The following SYNPR variants were observed in gnomAD, a reference collection of about 807,000 sequenced individuals.
SYNPR encodes the protein synaptoporin.
A neutral mutation model predicts 32.9 loss-of-function variants in SYNPR; 23 were observed. The observed-to-expected ratio is 0.70, with a 90% CI of 0.50 to 0.99. The LOEUF (loss-of-function observed/expected upper bound fraction) is 0.99, where lower values mean the gene tolerates loss of function less well. SYNPR is among the 50% of genes least tolerant of loss of function. SYNPR has a pLI of 0.00. For synonymous variants in SYNPR, 146 were observed against 135.9 expected (o/e 1.07, Z -0.52); for missense variants, 318 against 349.3 (o/e 0.91, Z 0.71).
chr3:63,510,883 A>G (rs1257725601), intron 3 of SYNPR, among the ~76,000 whole-genome samples: 1 of 149,960 alleles, frequency 6.7e-6, no homozygotes, highest in African/African-American at 2.5e-5. Flanking sequence ...GGCCTGAGAA[A>G]CTTTAAGTAA....
chr3:63,430,941 G>A (rs1379787024), intron 2 of SYNPR, among the ~76,000 whole-genome samples: 2 of 152,168 alleles, frequency 1.3e-5, no homozygotes, highest in Non-Finnish European at 2.9e-5. Flanking sequence ...AACTGAGCTG[G>A]GTTTTGAAGG....
chr3:63,336,671 A>G (rs1053907158), intron 2 of SYNPR, among the ~76,000 whole-genome samples: 1 of 151,914 alleles, frequency 6.6e-6, no homozygotes, highest in African/African-American at 2.4e-5. Flanking sequence ...ATAGAAAAAA[A>G]TCTAAGTGAT....
chr3:63,219,705 A>C, the SYNPR span, among the ~76,000 whole-genome samples: 8 of 152,342 alleles, frequency 5.3e-5, no homozygotes, highest in East Asian at 1.2e-3. Context: ...TTTAAAATTC[A>C]TAAGGAAAAT....
At chr3:63,589,424 A>G (rs9815410) in intron 4 of SYNPR, among the ~76,000 whole-genome samples, 6,603 of 152,166 alleles carry the variant, frequency 0.043, 483 homozygotes, top group African/African-American at 0.15. Context: ...TATTTCCAAG[A>G]CCTGGCACCT....
At chr3:63,379,982 C>T (rs929403444) in intron 2 of SYNPR, among the ~76,000 whole-genome samples, 6 of 152,122 alleles carry the variant, frequency 3.9e-5, no homozygotes, top group African/African-American at 1.4e-4. Flanking sequence ...ATGATGGTTT[C>T]CAGCTTCATC....
rs377732818 is a variant in SYNPR, at chr3:63,340,565, G to A, written c.84+61823G>A. ...CTCCCAAGTAGCTGGGACTACAGGC[G>A]CCCGCCACTACGCCCGGCTAATTTT... On this transcript the variant is annotated intron_variant, in intron 2 of 5. Transcript: ENST00000478300. Among the ~76,000 whole-genome samples the A allele has an allele frequency of 5.3e-5, 8 of 149,926 alleles. No homozygotes were observed. The East Asian group carries it at 7.9e-4, about 15-fold the overall frequency.
In SYNPR at chr3:63,336,035, C is replaced by T. The variant is rs1276172883; in HGVS notation, c.84+57293C>T. ...AGGTGATCCGCCTGCCTCGGCCTCC[C>T]ATTAGCTTCCTTTTTTATGTCTCAT... On this transcript the variant is annotated intron_variant, in intron 2 of 5. Transcript: ENST00000478300. 2.0e-5 allele frequency among the ~76,000 whole-genome samples: 3 copies of T among 152,062 alleles called. No individual in the cohort carries two copies. In the East Asian group the frequency reaches 5.8e-4, roughly 29 times the overall value.
chr3:63,363,367 A>T (rs2087687470), intron 2 of SYNPR, among the ~76,000 whole-genome samples: 1 of 152,230 alleles, frequency 6.6e-6, no homozygotes, highest in Non-Finnish European at 1.5e-5. Flanking sequence ...TTTCAGGATC[A>T]GCAAGGCTGG....
intron 2 of SYNPR, among the ~76,000 whole-genome samples, chr3:63,261,363 A>G (rs1343561148): frequency 1.3e-5 from 2 of 151,952 alleles, no homozygotes; most frequent in East Asian, 3.9e-4. Context: ...TGGCACATAT[A>G]CACCATGGGA....
At chr3:63,376,752 T>G (rs2087900679) in intron 2 of SYNPR, among the ~76,000 whole-genome samples, 1 of 152,168 alleles carries the variant, frequency 6.6e-6, no homozygotes. Context: ...GATTGTCTCA[T>G]CTGGAGTAGC....
chr3:63,596,512 C>T (rs1282178703), intron 4 of SYNPR, among the ~76,000 whole-genome samples: 1 of 152,002 alleles, frequency 6.6e-6, no homozygotes, highest in African/African-American at 2.4e-5. Context: ...AAATGCAGCT[C>T]ATGCTTGGCA....
At chr3:63,218,092 C>T in the SYNPR span, among the ~76,000 whole-genome samples, 229 of 152,208 alleles carry the variant, frequency 1.5e-3, no homozygotes, top group African/African-American at 5.2e-3. Context: ...AAGATTGTGC[C>T]ATTGCACACC....
At chr3:63,491,398 A>C (rs6765108) in intron 3 of SYNPR, among the ~76,000 whole-genome samples, 90,482 of 151,844 alleles carry the variant, frequency 0.6, 27,102 homozygotes, top group African/African-American at 0.64. Context: ...AGACACCCCT[A>C]AGGGTAGAGC....
At chr3:63,441,525 T>C (rs1700172403) in intron 2 of SYNPR, among the ~76,000 whole-genome samples, 1 of 152,234 alleles carries the variant, frequency 6.6e-6, no homozygotes, top group Admixed American at 6.5e-5. Flanking sequence ...ATCCTTCATT[T>C]ATTTATTCTG....
intron 2 of SYNPR, among the ~76,000 whole-genome samples, chr3:63,327,438 C>T (rs1028168097): frequency 1.3e-5 from 2 of 152,034 alleles, no homozygotes; most frequent in South Asian, 2.1e-4. Flanking sequence ...TTATATCTAG[C>T]TATATGTATT....
At chr3:63,319,700 A>T (rs1253716410) in intron 2 of SYNPR, among the ~76,000 whole-genome samples, 1 of 152,162 alleles carries the variant, frequency 6.6e-6, no homozygotes, top group African/African-American at 2.4e-5. Flanking sequence ...CATACTGCCT[A>T]AAACAATCTA....
intron 1 of SYNPR, among the ~76,000 whole-genome samples, chr3:63,238,288 A>T (rs1249212946): frequency 6.6e-6 from 1 of 151,862 alleles, no homozygotes; most frequent in African/African-American, 2.4e-5. Context: ...TTTTATCCTG[A>T]CAGAAATGAA....
chr3:63,594,007 A>G (rs1212849249), intron 4 of SYNPR, among the ~76,000 whole-genome samples: 1 of 152,172 alleles, frequency 6.6e-6, no homozygotes, highest in East Asian at 1.9e-4. Context: ...AAAAAAATCA[A>G]TGGGATTTGG....
intron 3 of SYNPR, among the ~76,000 whole-genome samples, chr3:63,482,699 T>G (rs1460900805): frequency 6.6e-6 from 1 of 152,232 alleles, no homozygotes; most frequent in East Asian, 1.9e-4. Context: ...TGTCTTGTAC[T>G]TTTGCCCCCA....
Sources: gnomAD v4.1 joint callset for allele counts (sites outside exome capture counted in the v4.1 genomes callset) on GRCh38, gnomAD v4.1.1 for gene constraint, MANE v1.5 for transcripts, NCBI Gene and HGNC (gene_info 2026-07-23, HGNC 2026-07-21) for gene names.